TLN1: variants seen among roughly 807,000 people sequenced by gnomAD.
TLN1 encodes talin-1.
Under a neutral mutation model 292.3 loss-of-function variants are expected in TLN1, and 56 were observed. The observed-to-expected ratio is 0.19, with a 90% CI of 0.15 to 0.24. The LOEUF (loss-of-function observed/expected upper bound fraction) is 0.24. Among genes scored for constraint, TLN1 ranks in the 10% least tolerant of loss-of-function variants. The pLI, the probability that TLN1 is intolerant of heterozygous loss-of-function variation, is 1.00. For missense variants in TLN1, 2,433 were observed against 3,248.2 expected (o/e 0.75, Z 6.10); for synonymous variants, 1,119 against 1,253.7 (o/e 0.89, Z 2.27).
At chr9:35,716,789 T>C (rs1825791508) in intron 19 of TLN1, among the ~76,000 whole-genome samples, 2 of 152,136 alleles carry the variant, frequency 1.3e-5, no homozygotes, top group Admixed American at 1.3e-4. Context: ...CAGTCTCCAA[T>C]GGGTATTTTC....
At chr9:35,729,072 A>AAT (rs1826025371) in intron 1 of TLN1, among the ~76,000 whole-genome samples, 1 of 152,264 alleles carries the variant, frequency 6.6e-6, no homozygotes, top group Non-Finnish European at 1.5e-5. Context: ...CCATTTATTG[A>AAT]CTATGTCACT....
intron 27 of TLN1, among the ~76,000 whole-genome samples, chr9:35,712,516 C>T (rs760509891): frequency 9.2e-5 from 14 of 152,018 alleles, no homozygotes; most frequent in Non-Finnish European, 1.6e-4. Flanking sequence ...GGTGTGGTGG[C>T]GCATGCCTGT....
chr9:35,708,505 G>C, intron 33 of TLN1, 21 bp from the exon 34 acceptor site: 1 of 1,538,684 alleles, frequency 6.5e-7, no homozygotes, highest in Non-Finnish European at 8.8e-7. Context: ...AAAAGGGGGT[G>C]GGGGTGAGGA....
Position 35,707,371 on chromosome 9 carries a change from T to C in TLN1, c.4750A>G (p.Ile1584Val), listed in dbSNP as rs759890811. 1 of 1,614,036 alleles carries C rather than the reference T, an allele frequency of 6.2e-7. No homozygotes were observed. The highest frequency in any genetic ancestry group is 8.5e-7 in the Non-Finnish European group (1 of 1,180,040). Residue 1584 changes from isoleucine to valine, a missense_variant, in exon 36 of 57, where the codon ATT (isoleucine) becomes GTT (valine). Coordinates refer to ENST00000314888, the MANE Select transcript of TLN1 (RefSeq NM_006289.4). This position sits in a 1 kb window ranked among gnomAD's most constrained non-coding sequence, Gnocchi z 5.6. Reference protein sequence around the residue: ...AFASNPEFSSIPAQISPEGRA... With the variant: ...AFASNPEFSSVPAQISPEGRA... ...ACCTCAGGGCTGATCTGGGCAGGAA[T>C]GCTGGAGAACTCAGGGTTGGACGCA...
At chr9:35,713,815 GAAGA>G (rs1163808215) in intron 25 of TLN1, 134 bp downstream of exon 25, 2 of 902,214 alleles carry the variant, frequency 2.2e-6, no homozygotes, top group Non-Finnish European at 3.2e-6. Flanking sequence ...AAGGAAGGAA[GAAGA>G]AAGAAAAGAA....
At position 35,706,083 on chromosome 9, in the gene TLN1, T is replaced by C; in HGVS notation, c.5390A>G (p.Glu1797Gly). The C allele has an allele frequency of 6.2e-7, 1 of 1,614,188 alleles. No individual in the cohort carries two copies. The highest frequency in any genetic ancestry group is 1.1e-5 in the South Asian group (1 of 91,086). The change falls in exon 41 of 57, where the codon GAG (glutamate) becomes GGG (glycine). Residue 1797 changes from glutamate to glycine, a missense_variant. Glu to Gly is a moderately conservative substitution (Grantham distance 98). Transcript: ENST00000314888. The surrounding 1 kb of genome is among the most constrained non-coding windows in gnomAD (Gnocchi z 4.2). ...KQAAHTQEAL[E>G]EAVQMMTEAV... ...CTCGGTCATCATCTGCACAGCCTCC[T>C]CCAGGGCTTCCTGGGTGTGAGCTGC...
Position 35,707,386 on chromosome 9 carries a change from G to A in TLN1, c.4735C>T (p.Pro1579Ser). 3 of 1,614,188 alleles carry A rather than the reference G, an allele frequency of 1.9e-6. No individual in the cohort carries two copies. The highest frequency in any genetic ancestry group is 2.5e-6 in the Non-Finnish European group (3 of 1,180,046). Residue 1579 changes from proline to serine, a missense_variant, in exon 36 of 57, where the codon CCT (proline) becomes TCT (serine). Pro to Ser is a moderately conservative substitution (Grantham distance 74). This residue lies in a region of TLN1 where 1,384 missense variants were observed against 1,699.6 expected (regional missense o/e 0.81). Transcript: ENST00000314888. This position sits in a 1 kb window ranked among gnomAD's most constrained non-coding sequence, Gnocchi z 5.6. ...TGGGCAGGAATGCTGGAGAACTCAG[G>A]GTTGGACGCAAAGGCACTCAGATTG... ...VDNLSAFASN[P>S]EFSSIPAQIS... is the part of the protein sequence containing the mutation.
rs567336438 is a variant in TLN1 at position 35,705,600 on chromosome 9, C to T, written c.5684G>A (p.Arg1895His). Residue 1895 changes from arginine to histidine, a missense_variant, in exon 43 of 57, where the codon CGT becomes CAT. Physicochemically the swap from Arg to His is conservative, Grantham distance 29. Transcript: ENST00000314888. ...LANQLTSDYG[R>H]LASEAKPAAV... The stretch of plus-strand genomic sequence containing the variant: ...TGCAGGCTTGGCCTCCGAGGCCAGA[C>T]GGCCATAGTCACTGGTCAGCTGGTT... The T allele has an allele frequency of 5.6e-6, 9 of 1,605,512 alleles. No homozygotes were observed. Among genetic ancestry groups the T allele is most frequent in the African/African-American group, 1.3e-5 (1 of 74,734 alleles).
Position 35,718,372 on chromosome 9 carries a change from G to A in TLN1, c.1995+440C>T, listed in dbSNP as rs371173411. On this transcript the variant is annotated intron_variant, in intron 17 of 56. Coordinates refer to ENST00000314888, the MANE Select transcript of TLN1 (RefSeq NM_006289.4). Reference sequence around the variant, plus strand: ...GGCTGTTACCGTAGGGGAATCGGGGGGAGATCGAACCCCAGCCCCTCTGGA... The same window carrying A: ...GGCTGTTACCGTAGGGGAATCGGGGAGAGATCGAACCCCAGCCCCTCTGGA... Among the ~76,000 whole-genome samples, 23 of 152,338 alleles carry A rather than the reference G, an allele frequency of 1.5e-4. No individual in the cohort carries two copies. In the East Asian group the frequency reaches 2.3e-3, roughly 15 times the overall value.
rs1825422603 is a variant in TLN1 at position 35,699,266 on chromosome 9, A to G, written c.6874+90T>C. ...CCTGGCATCTGTGGGGACTATGGTC[A>G]GAGGCTAGCACAGAGCTGTCCAGCC... On this transcript the variant is annotated intron_variant, in intron 51 of 56. Transcript: ENST00000314888. The surrounding 1 kb of genome is among the most constrained non-coding windows in gnomAD (Gnocchi z 4.0). 6.4e-7 allele frequency: 1 copy of G among 1,555,488 alleles called. No homozygotes were observed. The highest frequency in any genetic ancestry group is 1.4e-5 in the African/African-American group (1 of 73,038).
chr9:35,708,503 G>T lies in TLN1; in HGVS notation c.4327-19C>A. The T allele has an allele frequency of 6.5e-7, 1 of 1,545,064 alleles. No homozygotes were observed. On this transcript the variant is annotated intron_variant, in intron 33 of 56. Coordinates refer to ENST00000314888, the MANE Select transcript of TLN1 (RefSeq NM_006289.4). ...ATGCAGCCTGGGAAGAGAAAAGGGG[G>T]TGGGGGTGAGGAATAAAGATTGCAG...
intron 48 of TLN1, among the ~76,000 whole-genome samples, chr9:35,701,383 C>T (rs1825464700): frequency 6.6e-6 from 1 of 152,146 alleles, no homozygotes; most frequent in South Asian, 2.1e-4. Context: ...CTCAAGGGAT[C>T]CTCCTGCCTT....
chr9:35,711,182 A>C, intron 30 of TLN1, 73 bp downstream of exon 30: 1 of 1,610,514 alleles, frequency 6.2e-7, no homozygotes, highest in Non-Finnish European at 8.5e-7. Context: ...CTAAGCCAAG[A>C]AGCTCTCATG....
chr9:35,707,704 G>A lies in TLN1; in HGVS notation c.4632+27C>T, dbSNP rs373494319. 19 of 1,613,914 alleles carry A rather than the reference G, an allele frequency of 1.2e-5. No individual in the cohort carries two copies. The African/African-American group carries it at 2.0e-4, about 17-fold the overall frequency. On this transcript the variant is annotated intron_variant, in intron 35 of 56. Transcript: ENST00000314888. The surrounding 1 kb of genome is among the most constrained non-coding windows in gnomAD (Gnocchi z 5.6). Reference sequence around the variant, plus strand: ...GGGAGAAGATAGGACAGGTCAGGGAGAGGCTGGGAATTCAAGCAATGGGAA... The same window carrying A: ...GGGAGAAGATAGGACAGGTCAGGGAAAGGCTGGGAATTCAAGCAATGGGAA...
At chr9:35,726,961 G>T (rs190205838) in intron 1 of TLN1, among the ~76,000 whole-genome samples, 268 of 152,266 alleles carry the variant, frequency 1.8e-3, no homozygotes, top group Middle Eastern at 6.8e-3. Flanking sequence ...AGTCTGTCTC[G>T]AATTCTGCTC....
Position 35,711,671 on chromosome 9 carries a change from G to A in TLN1, c.3803C>T (p.Ala1268Val). ...CTGTCCAAATCGGCCTGAGGCTCGAGCCAGGTCCTGAGGGGTTCCCCGAGA... is the reference window on the plus strand; with the variant it reads ...CTGTCCAAATCGGCCTGAGGCTCGAACCAGGTCCTGAGGGGTTCCCCGAGA... Reference protein sequence around the residue: ...QASRGTPQDLARASGRFGQDF... With the variant: ...QASRGTPQDLVRASGRFGQDF... The change falls in exon 29 of 57, where the codon GCT (alanine) becomes GTT (valine). Residue 1268 changes from alanine (A) to valine (V), a missense_variant. By Grantham distance (64) the Ala-to-Val change is moderately conservative. This residue lies in a region of TLN1 where 1,384 missense variants were observed against 1,699.6 expected (regional missense o/e 0.81). Coordinates refer to ENST00000314888, the MANE Select transcript of TLN1 (RefSeq NM_006289.4). 6.2e-7 allele frequency: 1 copy of A among 1,614,212 alleles called. No individual in the cohort carries two copies. The highest frequency in any genetic ancestry group is 1.1e-5 in the South Asian group (1 of 91,082).
In TLN1 at chr9:35,699,825, G is replaced by A. The variant is rs1825431451; in HGVS notation, c.6768+149C>T. 3 of 1,072,932 alleles carry A rather than the reference G, an allele frequency of 2.8e-6. No homozygotes were observed. Among genetic ancestry groups the A allele is most frequent in the South Asian group, 3.7e-5 (2 of 53,952 alleles). 66.5% of individuals were successfully genotyped at this position (1,072,932 alleles called of 1,614,324 possible). Reference sequence around the variant, plus strand: ...AGAAGGATGGGGCCTGGGAGAAAGGGAGACTTGGAAAGGAGAACAGATTTG... The same window carrying A: ...AGAAGGATGGGGCCTGGGAGAAAGGAAGACTTGGAAAGGAGAACAGATTTG... On this transcript the variant is annotated intron_variant, in intron 50 of 56. Transcript: ENST00000314888. The surrounding 1 kb of genome is among the most constrained non-coding windows in gnomAD (Gnocchi z 4.0).
chr9:35,725,092 T>G (rs1048557833), intron 3 of TLN1, 132 bp downstream of exon 3: 2 of 1,541,280 alleles, frequency 1.3e-6, no homozygotes, highest in Admixed American at 3.5e-5. Context: ...CAGGGAATTA[T>G]GACTGTCTGT....
At chr9:35,726,172 T>C (rs935352068) in intron 1 of TLN1, among the ~76,000 whole-genome samples, 1 of 152,188 alleles carries the variant, frequency 6.6e-6, no homozygotes, top group African/African-American at 2.4e-5. Context: ...CCTCCCCAAG[T>C]GCTGGGATTA....
Sources: gnomAD v4.1 joint callset for allele counts (sites outside exome capture counted in the v4.1 genomes callset) on GRCh38, gnomAD v4.1.1 for gene constraint, gnomAD v4.1.1 regional missense constraint, Gnocchi (gnomAD v3.1) non-coding constraint, MANE v1.5 for transcripts, NCBI Gene and HGNC (gene_info 2026-07-23, HGNC 2026-07-21) for gene names.